MTCL2: variants seen among roughly 807,000 people sequenced by gnomAD.
MTCL2 encodes the protein microtubule cross-linking factor 2.
the MTCL2 span, chr20:36,779,837 A>T: frequency 6.6e-6 from 1 of 152,106 alleles, no homozygotes; most frequent in Non-Finnish European, 1.5e-5. Context: ...AGGGCTGAAT[A>T]CTATAGTGAG....
the MTCL2 span, chr20:36,815,304 A>G: frequency 6.2e-7 from 1 of 1,613,906 alleles, no homozygotes; most frequent in Non-Finnish European, 8.5e-7. This position sits in a 1 kb window ranked among gnomAD's most constrained non-coding sequence, Gnocchi z 5.3. Context: ...GCGCACCAGG[A>G]TGGCATGGAT....
the MTCL2 span, among the ~76,000 whole-genome samples, chr20:36,861,247 C>A: frequency 1.3e-5 from 2 of 152,174 alleles, no homozygotes; most frequent in Non-Finnish European, 2.9e-5. Flanking sequence ...CTTCCACTTG[C>A]CCTCTCCTTA....
the MTCL2 span, among the ~76,000 whole-genome samples, chr20:36,850,500 G>A: frequency 4.6e-5 from 7 of 151,724 alleles, no homozygotes; most frequent in African/African-American, 7.3e-5. Flanking sequence ...TACTCCAGCC[G>A]GGATGACAGA....
the MTCL2 span, among the ~76,000 whole-genome samples, chr20:36,812,032 T>G: frequency 2.0e-5 from 3 of 152,170 alleles, no homozygotes; most frequent in Non-Finnish European, 4.4e-5. Context: ...ATTCAATAAC[T>G]ACCATTCACT....
the MTCL2 span, among the ~76,000 whole-genome samples, chr20:36,853,387 C>T: frequency 1.3e-5 from 2 of 152,150 alleles, no homozygotes; most frequent in Non-Finnish European, 2.9e-5. Context: ...GTGGCACAGC[C>T]AGGATTCAGG....
the MTCL2 span, chr20:36,779,671 C>A: frequency 6.6e-6 from 1 of 152,014 alleles, no homozygotes; most frequent in Non-Finnish European, 1.5e-5. Context: ...ACCAGGACAC[C>A]ACCACATTTG....
chr20:36,840,101 C>T, the MTCL2 span, among the ~76,000 whole-genome samples: 98 of 150,600 alleles, frequency 6.5e-4, no homozygotes, highest in Non-Finnish European at 1.1e-3. Context: ...TGACCTCAAG[C>T]GATCTGCCCG....
At chr20:36,836,323 T>C in the MTCL2 span, among the ~76,000 whole-genome samples, 1 of 150,978 alleles carries the variant, frequency 6.6e-6, no homozygotes, top group Non-Finnish European at 1.5e-5. Flanking sequence ...TATAGGCACT[T>C]GCCACCACGC....
At chr20:36,782,663 A>G in the MTCL2 span, 1 of 152,292 alleles carries the variant, frequency 6.6e-6, no homozygotes, top group Non-Finnish European at 1.5e-5. Context: ...CCTCCCGAGT[A>G]GCTGGGATTA....
the MTCL2 span, among the ~76,000 whole-genome samples, chr20:36,797,973 G>C: frequency 2.0e-5 from 3 of 152,096 alleles, no homozygotes; most frequent in Admixed American, 1.3e-4. Context: ...ACTTTTTCCT[G>C]CTGGGCCTTG....
At chr20:36,847,238 G>A in the MTCL2 span, among the ~76,000 whole-genome samples, 4 of 152,186 alleles carry the variant, frequency 2.6e-5, no homozygotes, top group Non-Finnish European at 5.9e-5. Flanking sequence ...GTGGCCCTGG[G>A]TCAGTGCGTC....
At chr20:36,806,190 C>A in the MTCL2 span, among the ~76,000 whole-genome samples, 1 of 152,134 alleles carries the variant, frequency 6.6e-6, no homozygotes, top group African/African-American at 2.4e-5. Context: ...AAAGGCCACA[C>A]GCACTCCCAC....
At chr20:36,845,152 G>T in the MTCL2 span, among the ~76,000 whole-genome samples, 1 of 152,236 alleles carries the variant, frequency 6.6e-6, no homozygotes, top group Non-Finnish European at 1.5e-5. Context: ...GAATTTGTGA[G>T]AAATTCTCAT....
the MTCL2 span, chr20:36,812,763 C>T: frequency 1.2e-5 from 20 of 1,613,960 alleles, no homozygotes; most frequent in Non-Finnish European, 1.6e-5. Context: ...CGGCTGGGGT[C>T]GGGCTTAGAG....
chr20:36,847,289 TA>T, the MTCL2 span, among the ~76,000 whole-genome samples: 1 of 152,232 alleles, frequency 6.6e-6, no homozygotes, highest in Non-Finnish European at 1.5e-5. Flanking sequence ...TTCCCTCTGC[TA>T]GAACGGCCTT....
At chr20:36,815,114 G>A in the MTCL2 span, 2 of 1,570,928 alleles carry the variant, frequency 1.3e-6, no homozygotes, top group Non-Finnish European at 1.7e-6. The surrounding 1 kb of genome is among the most constrained non-coding windows in gnomAD (Gnocchi z 5.3). Context: ...ATCTGTGCAT[G>A]AGGCACCTTA....
At chr20:36,795,034 G>A in the MTCL2 span, among the ~76,000 whole-genome samples, 4,496 of 151,922 alleles carry the variant, frequency 0.03, 91 homozygotes, top group South Asian at 0.08. Flanking sequence ...CACCCTCCAG[G>A]TTCAAGAGAT....
chr20:36,816,634 G>A, the MTCL2 span, among the ~76,000 whole-genome samples: 1 of 152,192 alleles, frequency 6.6e-6, no homozygotes, highest in Non-Finnish European at 1.5e-5. Flanking sequence ...AGCTAAGGAT[G>A]AAAAGGGCCT....
the MTCL2 span, chr20:36,816,429 C>T: frequency 7.0e-4 from 578 of 829,834 alleles, 7 homozygotes; most frequent in South Asian, 8.6e-3. Context: ...ACAGCCAGAC[C>T]CTCAAGGAGC....
Sources: allele counts gnomAD v4.1 joint callset (sites outside exome capture counted in the v4.1 genomes callset), GRCh38; gene constraint gnomAD v4.1.1; non-coding constraint Gnocchi (gnomAD v3.1); transcripts MANE v1.5; gene names NCBI Gene and HGNC (gene_info 2026-07-23, HGNC 2026-07-21).